Variants in DIP2C observed in about 807,000 individuals in gnomAD.
The protein encoded by DIP2C is disco-interacting protein 2 homolog C.
DIP2C carries 33 observed loss-of-function variants against 192.4 expected under a neutral mutation model. The ratio of observed to expected loss-of-function variants is 0.17; its 90% confidence interval spans 0.13 to 0.23. The LOEUF (loss-of-function observed/expected upper bound fraction) is 0.23. Ranked by LOEUF, DIP2C falls within the 10% of genes least tolerant of loss-of-function variation. The pLI, the probability that DIP2C is intolerant of heterozygous loss-of-function variation, is 1.00. For missense variants in DIP2C, 1,537 were observed against 2,110.1 expected (o/e 0.73, Z 5.32); for synonymous variants, 979 against 864.1 (o/e 1.13, Z -2.33).
chr10:580,532 C>T (rs1016273476), intron 1 of DIP2C, among the ~76,000 whole-genome samples: 4 of 152,150 alleles, frequency 2.6e-5, no homozygotes, highest in Non-Finnish European at 4.4e-5. Flanking sequence ...CATATGTACA[C>T]ATGTACATGC....
intron 28 of DIP2C, among the ~76,000 whole-genome samples, chr10:342,755 G>C (rs956017599): frequency 6.6e-6 from 1 of 152,186 alleles, no homozygotes; most frequent in African/African-American, 2.4e-5. Flanking sequence ...ATCCTGCATG[G>C]AGATGGTGGC....
At chr10:442,878 T>G (rs1027463148) in intron 3 of DIP2C, among the ~76,000 whole-genome samples, 6 of 152,242 alleles carry the variant, frequency 3.9e-5, no homozygotes, top group African/African-American at 1.4e-4. Context: ...CAATCCAGGA[T>G]CATGAATTGC....
At chr10:341,047 C>A in intron 29 of DIP2C, 152 bp downstream of exon 29, 1 of 1,102,820 alleles carries the variant, frequency 9.1e-7, no homozygotes, top group Non-Finnish European at 1.4e-6. Context: ...CCAAGTCCAC[C>A]AGGAGAAGTA....
chr10:606,659 T>C lies in DIP2C; in HGVS notation c.85+82835A>G, dbSNP rs150303114. ...TCATGGCCCCACTGCTGTAATTACGTGCTGTGATCTGAATTCTCATTAGGA... is the reference window on the plus strand; with the variant it reads ...TCATGGCCCCACTGCTGTAATTACGCGCTGTGATCTGAATTCTCATTAGGA... On this transcript the variant is annotated intron_variant, in intron 1 of 36. Transcript: ENST00000280886. Among the ~76,000 whole-genome samples the C allele has an allele frequency of 1.2e-3, 179 of 152,372 alleles. 1 individual carries two copies. The highest frequency in any genetic ancestry group is 5.0e-3 in the Admixed American group (76 of 15,308).
intron 1 of DIP2C, among the ~76,000 whole-genome samples, chr10:531,774 G>C (rs1039652450): frequency 2.0e-5 from 3 of 152,182 alleles, no homozygotes; most frequent in Non-Finnish European, 2.9e-5. Context: ...AGAGGAACAC[G>C]GACAAACAGC....
In DIP2C at chr10:622,399, G is replaced by A. The variant is rs1260416531; in HGVS notation, c.85+67095C>T. Among the ~76,000 whole-genome samples, 252 of 124,098 alleles carry A rather than the reference G, an allele frequency of 2.0e-3. 1 individual carries two copies. Among genetic ancestry groups the A allele is most frequent in the Non-Finnish European group, 3.5e-3 (205 of 58,460 alleles). 81.4% of individuals were successfully genotyped at this position (124,098 alleles called of 152,430 possible). On this transcript the variant is annotated intron_variant, in intron 1 of 36. Coordinates refer to ENST00000280886, the MANE Select transcript of DIP2C (RefSeq NM_014974.3). ...AGAAGGGGGAGGGAGGGAGGAGGGG[G>A]AGGGAGGGAGGGAAGAGAGGCATGT...
chr10:361,732 C>G (rs532207130), intron 22 of DIP2C, among the ~76,000 whole-genome samples: 1 of 152,134 alleles, frequency 6.6e-6, no homozygotes, highest in African/African-American at 2.4e-5. Context: ...CAACTGCCTC[C>G]GTGTCCTTCA....
chr10:500,314 T>C (rs1355147352), intron 1 of DIP2C, among the ~76,000 whole-genome samples: 3 of 152,268 alleles, frequency 2.0e-5, no homozygotes, highest in African/African-American at 7.2e-5. Context: ...CACCAGCCCT[T>C]GGCTGCTCCA....
At chr10:313,108 T>C (rs1282252275) in intron 31 of DIP2C, among the ~76,000 whole-genome samples, 1 of 152,126 alleles carries the variant, frequency 6.6e-6, no homozygotes, top group Non-Finnish European at 1.5e-5. Flanking sequence ...ATAAAACCCC[T>C]GAGGTAAAAA....
intron 31 of DIP2C, among the ~76,000 whole-genome samples, chr10:326,802 G>A (rs1486327903): frequency 6.6e-6 from 1 of 152,208 alleles, no homozygotes; most frequent in Admixed American, 6.5e-5. Context: ...TAAGTCCTAT[G>A]AATGCTTGTT....
chr10:495,103 G>A (rs1005875427), intron 1 of DIP2C, among the ~76,000 whole-genome samples: 9 of 152,132 alleles, frequency 5.9e-5, no homozygotes, highest in Admixed American at 1.3e-4. Flanking sequence ...AAGATATTAC[G>A]CTAAGTGAAA....
chr10:390,680 C>T lies in DIP2C; in HGVS notation c.1384+60G>A, dbSNP rs540436527. The T allele has an allele frequency of 6.7e-5, 105 of 1,575,592 alleles. 2 individuals carry two copies. In the Admixed American group the frequency reaches 1.5e-3, roughly 22 times the overall value. On this transcript the variant is annotated intron_variant, in intron 11 of 36. Transcript: ENST00000280886. Reference sequence around the variant, plus strand: ...AAACCGAGGCGGGGTGACGTATTCCCGCACCCGTCTTCTGACAAAGGACGT... The same window carrying T: ...AAACCGAGGCGGGGTGACGTATTCCTGCACCCGTCTTCTGACAAAGGACGT...
At chr10:438,994 T>C (rs1967498054) in intron 4 of DIP2C, among the ~76,000 whole-genome samples, 2 of 152,106 alleles carry the variant, frequency 1.3e-5, no homozygotes, top group South Asian at 4.1e-4. Context: ...GCTAATTTTT[T>C]GTACTTTTGG....
intron 1 of DIP2C, among the ~76,000 whole-genome samples, chr10:582,339 GGTTCTCC>G (rs1490123764): frequency 6.6e-6 from 1 of 152,158 alleles, no homozygotes; most frequent in African/African-American, 2.4e-5. Flanking sequence ...CAAATACAGA[GGTTCTCC>G]GTAAAAACCC....
At chr10:407,968 C>A (rs557497163) in intron 9 of DIP2C, among the ~76,000 whole-genome samples, 2 of 152,066 alleles carry the variant, frequency 1.3e-5, no homozygotes, top group Admixed American at 6.5e-5. Flanking sequence ...GCCTGTGGTT[C>A]GGGTGCCACA....
In DIP2C at chr10:366,404, C is replaced by A; in HGVS notation, c.2139G>T (p.Met713Ile). The A allele has an allele frequency of 6.2e-7, 1 of 1,614,180 alleles. No individual in the cohort carries two copies. Among genetic ancestry groups the A allele is most frequent in the Non-Finnish European group, 8.5e-7 (1 of 1,180,046 alleles). ...GAACCCCGTCTGGCTTCACTGAACA[C>A]ATGATGGCTAAAAGCAAACAGGAAA... ...DVGLVMPGAIMCSVKPDGVPQ... is the reference protein window; with the variant it reads ...DVGLVMPGAIICSVKPDGVPQ... Residue 713 changes from methionine (M) to isoleucine (I), a missense_variant, in exon 19 of 37, where the codon ATG becomes ATT. Physicochemically the swap from Met to Ile is conservative, Grantham distance 10. Around this residue, in one of 4 missense-constraint regions of DIP2C, gnomAD observed 677 missense variants for 989.9 expected, o/e 0.68. Transcript: ENST00000280886.
chr10:622,063 T>C (rs1853883439), intron 1 of DIP2C, among the ~76,000 whole-genome samples: 1 of 151,380 alleles, frequency 6.6e-6, no homozygotes, highest in Non-Finnish European at 1.5e-5. Context: ...TGAGCATTGT[T>C]TCCCTTTGTG....
intron 1 of DIP2C, among the ~76,000 whole-genome samples, chr10:677,978 C>T (rs1830930854): frequency 6.6e-6 from 1 of 152,364 alleles, no homozygotes; most frequent in South Asian, 2.1e-4. Context: ...CACAAGAATG[C>T]CCATGTCATG....
Position 384,034 on chromosome 10 carries a change from C to T in DIP2C, c.1869G>A (p.Ala623=), listed in dbSNP as rs748374624. The T allele has an allele frequency of 1.1e-5, 18 of 1,598,846 alleles. No homozygotes were observed. Among genetic ancestry groups the T allele is most frequent in the South Asian group, 3.4e-5 (3 of 87,916 alleles). Residue 623 remains alanine, a synonymous_variant, in exon 16 of 37, where the codon GCG becomes GCA. Coordinates refer to ENST00000280886, the MANE Select transcript of DIP2C (RefSeq NM_014974.3). ...SLRMLIVADG[A]NPWSISSCDA... is the part of the protein sequence containing the mutation. ...CACACGCTCCTCACTTACAGGGGTT[C>T]GCGCCGTCCGCCACTATCAGCATTC...
Sources: allele counts gnomAD v4.1 joint callset (sites outside exome capture counted in the v4.1 genomes callset), GRCh38; gene constraint gnomAD v4.1.1; regional missense constraint gnomAD v4.1.1; transcripts MANE v1.5; gene names NCBI Gene and HGNC (gene_info 2026-07-23, HGNC 2026-07-21).